Variants in SS18 observed in about 807,000 individuals in gnomAD.
SS18 encodes SS18 subunit of BAF chromatin remodeling complex.
SS18 carries 28 observed loss-of-function variants against 72.5 expected under a neutral mutation model. The ratio of observed to expected loss-of-function variants is 0.39; its 90% CI spans 0.29 to 0.53. SS18 has a LOEUF of 0.53. SS18 is among the 20% of genes least tolerant of loss of function. The pLI is 0.76. For synonymous variants in SS18, 172 were observed against 164.2 expected (o/e 1.05, Z -0.37); for missense variants, 518 against 535.3 (o/e 0.97, Z 0.32).
intron 6 of SS18, 43 bp from the exon 7 acceptor site, chr18:26,038,702 T>C: frequency 6.7e-7 from 1 of 1,483,832 alleles, no homozygotes; most frequent in South Asian, 1.1e-5. Context: ...ATGTGTTCTC[T>C]ATGTCATCAA....
intron 5 of SS18, among the ~76,000 whole-genome samples, chr18:26,049,704 G>A (rs947173855): frequency 3.9e-5 from 6 of 152,064 alleles, no homozygotes. Flanking sequence ...TGTAAAAAAT[G>A]CAAGTCTTGC....
At chr18:26,042,786 T>C (rs535039003) in intron 5 of SS18, among the ~76,000 whole-genome samples, 1 of 152,078 alleles carries the variant, frequency 6.6e-6, no homozygotes, top group African/African-American at 2.4e-5. Context: ...CACAATTAGG[T>C]AGACTGAAAA....
intron 7 of SS18, among the ~76,000 whole-genome samples, chr18:26,037,261 T>C (rs2053641815): frequency 6.6e-6 from 1 of 151,994 alleles, no homozygotes; most frequent in Admixed American, 6.6e-5. Flanking sequence ...AACAGAAAGG[T>C]TATAACAATA....
At chr18:26,088,455 T>C (rs765503221) in intron 1 of SS18, among the ~76,000 whole-genome samples, 1 of 152,250 alleles carries the variant, frequency 6.6e-6, no homozygotes, top group African/African-American at 2.4e-5. Context: ...TTTCTATGCA[T>C]GTATATTTGT....
rs2053266260 is a variant in SS18 at position 26,017,307 on chromosome 18, G to C, written c.*1047C>G. ...CCCTTTATAAATGATATTATTTCCA[G>C]ATAAGAAAGTTGAAACAAAGGTTTG... is the stretch of plus-strand genomic sequence containing the variant. On this transcript the variant is annotated 3_prime_UTR_variant, in exon 11 of 11. Coordinates refer to ENST00000415083, the MANE Select transcript of SS18 (RefSeq NM_001007559.3). The C allele has an allele frequency of 5.2e-6, 1 of 193,302 alleles. No individual in the cohort carries two copies. The highest frequency in any genetic ancestry group is 1.1e-5 in the Non-Finnish European group (1 of 92,630). 12.0% of individuals were successfully genotyped at this position (193,302 alleles called of 1,614,324 possible).
chr18:26,042,280 A>G (rs2143907257), intron 5 of SS18, among the ~76,000 whole-genome samples: 1 of 152,326 alleles, frequency 6.6e-6, no homozygotes, highest in African/African-American at 2.4e-5. Flanking sequence ...TTTTCTGCAA[A>G]CAATGGTATC....
chr18:26,087,020 T>C (rs1187151942), intron 2 of SS18, among the ~76,000 whole-genome samples: 1 of 152,072 alleles, frequency 6.6e-6, no homozygotes, highest in African/African-American at 2.4e-5. Flanking sequence ...ACAACACAAA[T>C]GGCCATCACC....
At chr18:26,089,274 C>T (rs2054671445) in intron 1 of SS18, among the ~76,000 whole-genome samples, 2 of 152,088 alleles carry the variant, frequency 1.3e-5, no homozygotes, top group Non-Finnish European at 1.5e-5. Flanking sequence ...AAAGGTGAGC[C>T]CTCCAGAAAC....
At chr18:26,087,480 A>G (rs749980919) in intron 2 of SS18, 21 bp downstream of exon 2, 37 of 1,452,876 alleles carry the variant, frequency 2.5e-5, no homozygotes, top group East Asian at 1.4e-4. Context: ...GAATAAAAAA[A>G]AAGTTTCTTA....
intron 3 of SS18, among the ~76,000 whole-genome samples, chr18:26,066,445 G>A (rs1339502942): frequency 3.3e-5 from 5 of 151,874 alleles, no homozygotes; most frequent in Non-Finnish European, 7.4e-5. Context: ...CCCTCAAGCC[G>A]CCTTATCCGT....
chr18:26,063,971 G>C (rs531103230), intron 3 of SS18, among the ~76,000 whole-genome samples: 9 of 152,106 alleles, frequency 5.9e-5, no homozygotes, highest in Non-Finnish European at 1.0e-4. Flanking sequence ...GACAGTAAAA[G>C]GAAAATAAGG....
chr18:26,086,817 C>A (rs972534411), intron 2 of SS18, among the ~76,000 whole-genome samples: 1 of 152,160 alleles, frequency 6.6e-6, no homozygotes, highest in Non-Finnish European at 1.5e-5. Context: ...AAATGAAGAT[C>A]TAACTTTCCC....
At chr18:26,075,182 T>C (rs2054390012) in intron 3 of SS18, among the ~76,000 whole-genome samples, 1 of 151,922 alleles carries the variant, frequency 6.6e-6, no homozygotes, top group South Asian at 2.1e-4. Context: ...TGTAAATTCT[T>C]CTGGATAAGA....
chr18:26,073,967 T>C (rs558908788), intron 3 of SS18, among the ~76,000 whole-genome samples: 40 of 152,256 alleles, frequency 2.6e-4, no homozygotes, highest in African/African-American at 9.1e-4. Context: ...ACTAATAACA[T>C]TTGTTGCCAA....
chr18:26,055,126 T>C (rs550061935), intron 4 of SS18, among the ~76,000 whole-genome samples: 1 of 152,192 alleles, frequency 6.6e-6, no homozygotes, highest in East Asian at 1.9e-4. Flanking sequence ...TTGGTATCCT[T>C]TGATTTTGGT....
intron 10 of SS18, among the ~76,000 whole-genome samples, chr18:26,023,342 A>G (rs932199833): frequency 3.9e-5 from 6 of 152,166 alleles, no homozygotes; most frequent in Non-Finnish European, 7.4e-5. Context: ...TGAAAATGAC[A>G]AAGTCTGAGA....
Position 26,067,963 on chromosome 18 carries a change from A to G in SS18, c.231+10113T>C, listed in dbSNP as rs539113396. Among the ~76,000 whole-genome samples, 83 of 152,308 alleles carry G rather than the reference A, an allele frequency of 5.4e-4. 1 individual carries two copies. The highest frequency in any genetic ancestry group is 1.9e-3 in the African/African-American group (78 of 41,560). ...ATTAGATTATCATAAGGAGCATGCA[A>G]CTTAGATCCCTTGCATGCACAGTTC... On this transcript the variant is annotated intron_variant, in intron 3 of 10. Transcript: ENST00000415083.
At chr18:26,032,344 C>T in intron 10 of SS18, 55 bp downstream of exon 10, 1 of 1,589,790 alleles carries the variant, frequency 6.3e-7, no homozygotes, top group Non-Finnish European at 8.6e-7. Context: ...AAAAGTTCAC[C>T]TAATCGAGAG....
At chr18:26,070,388 T>G (rs150012646) in intron 3 of SS18, among the ~76,000 whole-genome samples, 6 of 152,322 alleles carry the variant, frequency 3.9e-5, no homozygotes, top group African/African-American at 1.4e-4. Context: ...TAACACTGCA[T>G]GTATATATGT....
Sources: allele counts gnomAD v4.1 joint callset (sites outside exome capture counted in the v4.1 genomes callset), GRCh38; gene constraint gnomAD v4.1.1; transcripts MANE v1.5; gene names NCBI Gene and HGNC (gene_info 2026-07-23, HGNC 2026-07-21).